GABRB2: variants seen among roughly 807,000 people sequenced by gnomAD.
The protein encoded by GABRB2 is gamma-aminobutyric acid type A receptor subunit beta2, also known as gamma-aminobutyric acid receptor subunit beta-2.
GABRB2 carries 16 observed loss-of-function variants against 54.7 expected under a neutral mutation model. The observed-to-expected ratio is 0.29, with a 90% CI of 0.20 to 0.44. GABRB2 has a LOEUF of 0.44. Among genes scored for constraint, GABRB2 ranks in the 20% least tolerant of loss-of-function variants. The probability of loss-of-function intolerance (pLI) is 1.00; values close to 1 mark genes in which losing one functional copy is unlikely to be tolerated. For missense variants in GABRB2, 355 were observed against 644.0 expected, an observed-to-expected ratio of 0.55 and a Z score of 4.86; for synonymous variants, 244 against 233.8, an observed-to-expected ratio of 1.04 and a Z score of -0.40.
chr5:161,352,152 A>T (rs991271754), intron 5 of GABRB2, among the ~76,000 whole-genome samples: 4 of 152,018 alleles, frequency 2.6e-5, no homozygotes, highest in Non-Finnish European at 5.9e-5. Context: ...GTTCTTCAAA[A>T]ACTTAAAAAT....
At chr5:161,421,246 T>A (rs1756839103) in intron 4 of GABRB2, among the ~76,000 whole-genome samples, 2 of 152,240 alleles carry the variant, frequency 1.3e-5, no homozygotes, top group East Asian at 3.9e-4. Context: ...AAGGAAGCTG[T>A]GGGGTTGAAC....
rs978820526 is a variant in GABRB2, at chr5:161,291,574, C to T, written c.*2507G>A. On this transcript the variant is annotated 3_prime_UTR_variant, in exon 10 of 10. Transcript: ENST00000393959. ...TGCTTCTAAGGTCCCATCTTTTTTC[C>T]TTTGCCTTGTTTCTTGTATCACTGA... The T allele has an allele frequency of 1.3e-5, 2 of 152,446 alleles. No homozygotes were observed. Among genetic ancestry groups the T allele is most frequent in the Non-Finnish European group, 2.9e-5 (2 of 68,006 alleles). The allele number at this position is 152,446 out of a possible 1,614,324, so 9.4% of individuals were successfully genotyped here. A position where few individuals can be genotyped will look rare whatever the true frequency, so the allele number is the denominator to read the frequency against.
intron 6 of GABRB2, among the ~76,000 whole-genome samples, chr5:161,335,450 C>T (rs1156299473): frequency 6.6e-6 from 1 of 151,994 alleles, no homozygotes; most frequent in Non-Finnish European, 1.5e-5. Flanking sequence ...ACCTTATCAA[C>T]CAAAAGGTGG....
intron 3 of GABRB2, among the ~76,000 whole-genome samples, chr5:161,488,130 T>C (rs1758983027): frequency 2.0e-5 from 3 of 151,812 alleles, no homozygotes; most frequent in Admixed American, 2.0e-4. Context: ...GATTACTGCT[T>C]CAAGGGTCAA....
chr5:161,544,739 G>T (rs939807373), intron 3 of GABRB2, among the ~76,000 whole-genome samples: 4 of 152,146 alleles, frequency 2.6e-5, no homozygotes, highest in African/African-American at 9.7e-5. Flanking sequence ...GGGCAGGAAT[G>T]GGGGATGGGG....
intron 3 of GABRB2, among the ~76,000 whole-genome samples, chr5:161,468,556 C>G (rs1758344180): frequency 6.6e-6 from 1 of 151,962 alleles, no homozygotes; most frequent in African/African-American, 2.4e-5. Context: ...CTGTCACATC[C>G]CTCATTTTTA....
Position 161,470,067 on chromosome 5 carries a change from T to A in GABRB2, c.238-10223A>T, listed in dbSNP as rs566564339. 3.8e-4 allele frequency among the ~76,000 whole-genome samples: 55 copies of A among 144,452 alleles called. 1 individual carries two copies. Among genetic ancestry groups the A allele is most frequent in the African/African-American group, 1.5e-3 (53 of 36,206 alleles). 94.8% of individuals were successfully genotyped at this position (144,452 alleles called of 152,430 possible). On this transcript the variant is annotated intron_variant, in intron 3 of 9. Coordinates refer to ENST00000393959, the MANE Select transcript of GABRB2 (RefSeq NM_001371727.1). The stretch of plus-strand genomic sequence containing the variant: ...CTCTTGATACATCTTTTCTTTCCTT[T>A]CATGTTTTTTTTTTAATCATGGAGA...
intron 3 of GABRB2, among the ~76,000 whole-genome samples, chr5:161,513,087 G>A (rs1759829727): frequency 6.6e-6 from 1 of 151,754 alleles, no homozygotes; most frequent in African/African-American, 2.4e-5. Flanking sequence ...AAGAGATGCT[G>A]GTGGGGCTGT....
chr5:161,438,889 CAT>C (rs929488567), intron 4 of GABRB2, among the ~76,000 whole-genome samples: 2 of 152,002 alleles, frequency 1.3e-5, no homozygotes, highest in East Asian at 1.9e-4. Flanking sequence ...AACACACTGA[CAT>C]ATGCCTACAG....
At chr5:161,521,650 A>C (rs1453489457) in intron 3 of GABRB2, among the ~76,000 whole-genome samples, 1 of 151,916 alleles carries the variant, frequency 6.6e-6, no homozygotes, top group Admixed American at 6.6e-5. Context: ...ATGTGGTAAA[A>C]ATGTTAGTGT....
chr5:161,465,570 C>T (rs1424495613), intron 3 of GABRB2, among the ~76,000 whole-genome samples: 1 of 152,058 alleles, frequency 6.6e-6, no homozygotes, highest in Non-Finnish European at 1.5e-5. Flanking sequence ...AAGATTTAAA[C>T]CTTTCTTGTC....
chr5:161,347,929 C>T (rs116323258), intron 5 of GABRB2, among the ~76,000 whole-genome samples: 1 of 152,144 alleles, frequency 6.6e-6, no homozygotes, highest in African/African-American at 2.4e-5. Context: ...CTGGACATTG[C>T]TAAAGGGAAT....
At chr5:161,373,914 G>A (rs2032860) in intron 5 of GABRB2, among the ~76,000 whole-genome samples, 26,924 of 150,790 alleles carry the variant, frequency 0.18, 3,457 homozygotes, top group African/African-American at 0.36. Context: ...CAGTCTTCTC[G>A]TCTTCTTTAT....
chr5:161,481,202 A>C (rs998521905), intron 3 of GABRB2, among the ~76,000 whole-genome samples: 6 of 152,074 alleles, frequency 3.9e-5, no homozygotes, highest in Admixed American at 2.0e-4. Context: ...GATTAAAGGT[A>C]ACTAGATGAA....
At chr5:161,423,929 A>G (rs1349279801) in intron 4 of GABRB2, among the ~76,000 whole-genome samples, 16 of 152,136 alleles carry the variant, frequency 1.1e-4, no homozygotes, top group Non-Finnish European at 1.5e-5. Context: ...TGATGTGGAG[A>G]AAGTTTTAGT....
intron 8 of GABRB2, 154 bp downstream of exon 8, chr5:161,330,729 C>T (rs867468711): frequency 1.6e-5 from 17 of 1,069,482 alleles, no homozygotes; most frequent in Admixed American, 6.9e-5. Context: ...CCTAATTGTG[C>T]TTCCATCATT....
At chr5:161,359,299 T>C (rs1280585621) in intron 5 of GABRB2, among the ~76,000 whole-genome samples, 1 of 152,204 alleles carries the variant, frequency 6.6e-6, no homozygotes, top group Non-Finnish European at 1.5e-5. Flanking sequence ...CCTTCACTAT[T>C]ATGTAGAGTT....
chr5:161,308,654 C>A (rs1008315781), intron 9 of GABRB2, among the ~76,000 whole-genome samples: 6 of 152,178 alleles, frequency 3.9e-5, no homozygotes, highest in Non-Finnish European at 8.8e-5. Context: ...GGTACTGGTA[C>A]AAGAACAGAC....
In GABRB2 at chr5:161,383,031, T is replaced by C. The variant is rs558340495; in HGVS notation, c.541+27944A>G. The stretch of plus-strand genomic sequence containing the variant: ...ATTTTTCTCCTCTACCTTTGTCTAC[T>C]CAATGTTTTGTTTTCCCTTTTTTCT... On this transcript the variant is annotated intron_variant, in intron 5 of 9. Transcript: ENST00000393959. Among the ~76,000 whole-genome samples the C allele has an allele frequency of 5.3e-5, 8 of 152,346 alleles. No individual in the cohort carries two copies. In the East Asian group the frequency reaches 1.5e-3, roughly 29 times the overall value.
Sources: allele counts gnomAD v4.1 joint callset (sites outside exome capture counted in the v4.1 genomes callset), GRCh38; gene constraint gnomAD v4.1.1; transcripts MANE v1.5; gene names NCBI Gene and HGNC (gene_info 2026-07-23, HGNC 2026-07-21).